GNAS: variants seen among roughly 807,000 people sequenced by gnomAD.
The protein encoded by GNAS is GNAS complex locus.
In GNAS, 8 loss-of-function variants were observed where a neutral mutation model predicts 54.5. The ratio of observed to expected loss-of-function variants is 0.15; its 90% confidence interval spans 0.09 to 0.26. The LOEUF (loss-of-function observed/expected upper bound fraction) is 0.26, where lower values mean the gene tolerates loss of function less well. Among genes scored for constraint, GNAS ranks in the 10% least tolerant of loss-of-function variants. GNAS has a pLI of 1.00. For missense variants in GNAS, 170 were observed against 529.8 expected (o/e 0.32, Z 6.67); for synonymous variants, 204 against 191.4 (o/e 1.07, Z -0.54).
At chr20:58,900,849 C>T (rs1405556175) in intron 3 of GNAS, among the ~76,000 whole-genome samples, 1 of 152,212 alleles carries the variant, frequency 6.6e-6, no homozygotes, top group African/African-American at 2.4e-5. Flanking sequence ...TTTAGTATTA[C>T]ACACCCGAAT....
chr20:58,899,953 T>C, intron 3 of GNAS: 3 of 717,776 alleles, frequency 4.2e-6, no homozygotes, highest in South Asian at 3.0e-5. Context: ...TTTTAGAATA[T>C]AATATCCCTA....
At chr20:58,896,791 A>G (rs2090109450) in intron 2 of GNAS, among the ~76,000 whole-genome samples, 1 of 152,270 alleles carries the variant, frequency 6.6e-6, no homozygotes, top group African/African-American at 2.4e-5. Flanking sequence ...CTTGGATTCG[A>G]TTGAAAATTT....
intron 1 of GNAS, chr20:58,892,343 G>C: frequency 4.8e-6 from 1 of 206,212 alleles, no homozygotes; most frequent in African/African-American, 2.4e-5. Flanking sequence ...AGATTTGTTG[G>C]GAGAGGGAAA....
upstream of GNAS, chr20:58,840,146 C>T: frequency 1.2e-6 from 2 of 1,611,658 alleles, no homozygotes; most frequent in Non-Finnish European, 8.5e-7. The surrounding 1 kb of genome is among the most constrained non-coding windows in gnomAD (Gnocchi z 6.0). Context: ...GCGCCGAGCT[C>T]GCCATAATTA....
chr20:58,854,245 G>GC (rs1327552867), intron 1 of GNAS: 2 of 1,613,262 alleles, frequency 1.2e-6, no homozygotes, highest in Non-Finnish European at 8.5e-7. Flanking sequence ...AACATGGACA[G>GC]CCCCCCAATC....
At chr20:58,875,577 G>A (rs2087752876) in intron 1 of GNAS, among the ~76,000 whole-genome samples, 1 of 152,194 alleles carries the variant, frequency 6.6e-6, no homozygotes, top group South Asian at 2.1e-4. Context: ...AGCCCTCTAA[G>A]CAATGAGTTG....
intron 1 of GNAS, chr20:58,854,974 C>T (rs1212913908): frequency 6.2e-7 from 1 of 1,611,762 alleles, no homozygotes; most frequent in Non-Finnish European, 8.5e-7. Flanking sequence ...GAAGGGGTGG[C>T]CAGCAGCGAC....
intron 1 of GNAS, among the ~76,000 whole-genome samples, chr20:58,865,900 A>G (rs1041787578): frequency 3.3e-5 from 5 of 152,170 alleles, no homozygotes; most frequent in African/African-American, 7.2e-5. Context: ...AATAGCCTTT[A>G]CCCTTAAATG....
chr20:58,855,012 G>A (rs2086400021), intron 1 of GNAS: 6 of 1,612,726 alleles, frequency 3.7e-6, no homozygotes, highest in Middle Eastern at 1.6e-4. Flanking sequence ...CGAGTCCGAC[G>A]ATGGGACCTC....
At chr20:58,840,568 C>A, upstream of GNAS, 1 of 1,612,836 alleles carries the variant, frequency 6.2e-7, no homozygotes, top group Non-Finnish European at 8.5e-7. The surrounding 1 kb of genome is among the most constrained non-coding windows in gnomAD (Gnocchi z 6.0). Context: ...AGCACTCCAC[C>A]TTCGGCCAGT....
chr20:58,854,736 G>T (rs1404729389), intron 1 of GNAS: 29 of 1,538,472 alleles, frequency 1.9e-5, no homozygotes, highest in Middle Eastern at 1.8e-4. Flanking sequence ...CGCCCCAGCT[G>T]CGCCAGACGC....
rs1181842909 is a variant in GNAS at position 58,899,128 on chromosome 20, AAC to A, written c.257+149_257+150del. 3.9e-5 allele frequency: 30 copies of A among 760,026 alleles called. No individual in the cohort carries two copies. In the Admixed American group the frequency reaches 5.8e-4, roughly 15 times the overall value. 47.1% of individuals were successfully genotyped at this position (760,026 alleles called of 1,614,324 possible). A position where few individuals can be genotyped will look rare whatever the true frequency, so the allele number is the denominator to read the frequency against. On this transcript the variant is annotated intron_variant, in intron 3 of 12. Coordinates refer to ENST00000371085, the MANE Select transcript of GNAS (RefSeq NM_000516.7). The stretch of plus-strand genomic sequence containing the variant: ...GCCATATTGGCATACATTTGTGAAT[AAC>A]ACACAATTTCCTGACATTTTGGAGC...
Position 58,853,844 on chromosome 20 carries a change from G to A in GNAS, c.43+12958G>A. On this transcript the variant is annotated intron_variant, in intron 1 of 12. Transcript: ENST00000306090. This position sits in a 1 kb window ranked among gnomAD's most constrained non-coding sequence, Gnocchi z 4.4. ...CTCCAGGAGGCCCAGGTGCTGCAGGGGTCCCCGGAGCTCCTCCCGAGGAGC... is the reference window on the plus strand; with the variant it reads ...CTCCAGGAGGCCCAGGTGCTGCAGGAGTCCCCGGAGCTCCTCCCGAGGAGC... 1 of 1,595,032 alleles carries A rather than the reference G, an allele frequency of 6.3e-7. No individual in the cohort carries two copies.
chr20:58,851,490 C>A (rs773963697), intron 1 of GNAS, among the ~76,000 whole-genome samples: 1 of 152,176 alleles, frequency 6.6e-6, no homozygotes, highest in Non-Finnish European at 1.5e-5. Flanking sequence ...AGACGTGGCT[C>A]GCCAATCTGT....
chr20:58,889,010 C>T, upstream of GNAS: 1 of 958,110 alleles, frequency 1.0e-6, no homozygotes, highest in Non-Finnish European at 1.2e-6. Context: ...GTCCCGGCAC[C>T]GGCCTGCACC....
intron 1 of GNAS, chr20:58,884,869 C>G (rs2088483569): frequency 6.6e-6 from 1 of 152,162 alleles, no homozygotes; most frequent in Non-Finnish European, 1.5e-5. Context: ...GGAGCTTCCT[C>G]AGTCTTCTCC....
rs1214698106 is a variant in GNAS at position 58,855,671 on chromosome 20, C to T, written c.43+14785C>T. 5 of 686,350 alleles carry T rather than the reference C, an allele frequency of 7.3e-6. No individual in the cohort carries two copies. In the East Asian group the frequency reaches 1.1e-4, roughly 15 times the overall value. The allele number at this position is 686,350 out of a possible 1,614,324, so 42.5% of individuals were successfully genotyped here. A position where few individuals can be genotyped will look rare whatever the true frequency, so the allele number is the denominator to read the frequency against. On this transcript the variant is annotated intron_variant, in intron 1 of 12. Coordinates refer to the GNAS transcript ENST00000306090. ...TGAGCCAGGAACTGCCGGGGAGGGG[C>T]CCCGGGGCCCCGGGACTCCCCTGGC...
At position 58,910,304 on chromosome 20, in the gene GNAS, T is replaced by C. The variant is rs1288678511; in HGVS notation, c.971-30T>C. On this transcript the variant is annotated intron_variant, in intron 11 of 12. Transcript: ENST00000371085. The surrounding 1 kb of genome is among the most constrained non-coding windows in gnomAD (Gnocchi z 5.8). ...CCCCAGCTCTGCTTGAATTTTAAAT[T>C]ACATTAATATGTATTCCCTTTTTAT... 6.5e-7 allele frequency: 1 copy of C among 1,541,640 alleles called. No individual in the cohort carries two copies. Among genetic ancestry groups the C allele is most frequent in the Admixed American group, 1.7e-5 (1 of 59,938 alleles).
intron 1 of GNAS, among the ~76,000 whole-genome samples, chr20:58,894,734 G>A (rs2089883074): frequency 6.6e-6 from 1 of 152,220 alleles, no homozygotes; most frequent in Admixed American, 6.5e-5. Flanking sequence ...GTTGGGAAGG[G>A]CTTGGAATCT....
Sources: gnomAD v4.1 joint callset for allele counts (sites outside exome capture counted in the v4.1 genomes callset) on GRCh38, gnomAD v4.1.1 for gene constraint, Gnocchi (gnomAD v3.1) non-coding constraint, MANE v1.5 for transcripts, NCBI Gene and HGNC (gene_info 2026-07-23, HGNC 2026-07-21) for gene names.